The following IL10RA variants were observed in gnomAD, a reference collection of about 807,000 sequenced individuals.
IL10RA encodes interleukin-10 receptor subunit alpha.
In IL10RA, 18 loss-of-function variants were observed where a neutral mutation model predicts 29.6. The ratio of observed to expected loss-of-function variants is 0.61; its 90% CI spans 0.42 to 0.90. The LOEUF (loss-of-function observed/expected upper bound fraction) is 0.90, where lower values mean the gene tolerates loss of function less well. Ranked by LOEUF, IL10RA falls within the 40% of genes least tolerant of loss-of-function variation. IL10RA has a pLI of 0.00. For synonymous variants in IL10RA, 292 were observed against 294.1 expected (o/e 0.99, Z 0.07); for missense variants, 634 against 716.6 (o/e 0.88, Z 1.32).
chr11:117,995,345 G>A (rs2058048916), intron 5 of IL10RA: 1 of 560,786 alleles, frequency 1.8e-6, no homozygotes, highest in African/African-American at 1.9e-5. Context: ...TGGGAGTCAT[G>A]TGCAGAGAGC....
In IL10RA at chr11:118,000,858, G is replaced by A. The variant is rs747870091; in HGVS notation, c.*1217G>A. The A allele has an allele frequency of 2.2e-6, 1 of 454,266 alleles. No homozygotes were observed. The highest frequency in any genetic ancestry group is 1.6e-5 in the South Asian group (1 of 64,478). The allele number at this position is 454,266 out of a possible 1,614,324, so 28.1% of individuals were successfully genotyped here. A position where few individuals can be genotyped will look rare whatever the true frequency, so the allele number is the denominator to read the frequency against. ...ATCCAATGGGAGTCCATGGTGTCAT[G>A]CCAAGACAGTATCAGACACAGCCCC... On this transcript the variant is annotated 3_prime_UTR_variant, in exon 7 of 7. Transcript: ENST00000227752.
chr11:117,988,909 C>A (rs568790484), intron 2 of IL10RA, among the ~76,000 whole-genome samples: 1 of 152,258 alleles, frequency 6.6e-6, no homozygotes, highest in South Asian at 2.1e-4. Context: ...TACAGGGGTC[C>A]ACCACCATGC....
At chr11:117,994,762 C>T (rs1338171391) in intron 5 of IL10RA, among the ~76,000 whole-genome samples, 3 of 152,160 alleles carry the variant, frequency 2.0e-5, no homozygotes, top group African/African-American at 7.2e-5. Flanking sequence ...ATGAGATGTC[C>T]AGTGCCCAAT....
Position 117,999,814 on chromosome 11 carries a change from G to A in IL10RA, c.*173G>A. ...GGGCTGGTCAGGGTGTCTGGGGCAG[G>A]AGGAGGCCAACTCACTGAACTAGTG... On this transcript the variant is annotated 3_prime_UTR_variant, in exon 7 of 7. Coordinates refer to ENST00000227752, the MANE Select transcript of IL10RA (RefSeq NM_001558.4). The A allele has an allele frequency of 1.4e-6, 1 of 709,826 alleles. No individual in the cohort carries two copies. The highest frequency in any genetic ancestry group is 2.0e-5 in the Admixed American group (1 of 50,006). 44.0% of individuals were successfully genotyped at this position (709,826 alleles called of 1,614,324 possible).
At chr11:117,990,922 C>T (rs1412361758) in intron 3 of IL10RA, among the ~76,000 whole-genome samples, 1 of 152,074 alleles carries the variant, frequency 6.6e-6, no homozygotes, top group Non-Finnish European at 1.5e-5. Context: ...TTGGGCTGGG[C>T]TCGGTGGCTC....
chr11:117,989,460 G>C lies in IL10RA; in HGVS notation c.207G>C (p.Trp69Cys). The change falls in exon 3 of 7, where the codon TGG becomes TGC. Residue 69 changes from tryptophan (W) to cysteine (C), a missense_variant. Transcript: ENST00000227752. This position sits in a 1 kb window ranked among gnomAD's most constrained non-coding sequence, Gnocchi z 4.5. ...TCCTCAGGTATGGAATAGAGTCCTG[G>C]AACTCCATCTCCAACTGTAGCCAGA... Reference protein sequence around the residue: ...VALLRYGIESWNSISNCSQTL... With the variant: ...VALLRYGIESCNSISNCSQTL... 6.2e-7 allele frequency: 1 copy of C among 1,614,118 alleles called. No homozygotes were observed. The highest frequency in any genetic ancestry group is 8.5e-7 in the Non-Finnish European group (1 of 1,179,988).
chr11:117,990,947 A>C (rs1282501961), intron 3 of IL10RA, among the ~76,000 whole-genome samples: 1 of 152,204 alleles, frequency 6.6e-6, no homozygotes, highest in East Asian at 1.9e-4. Flanking sequence ...CTGTAATCCC[A>C]GCACTTTGGG....
intron 5 of IL10RA, among the ~76,000 whole-genome samples, chr11:117,994,382 C>A (rs566412600): frequency 2.0e-5 from 3 of 152,288 alleles, no homozygotes; most frequent in Admixed American, 1.3e-4. Context: ...GGTGGCAGAA[C>A]CAGGTCTCTT....
chr11:117,995,658 G>T lies in IL10RA; in HGVS notation c.758G>T (p.Cys253Phe), dbSNP rs768904488. 2 of 1,614,088 alleles carry T rather than the reference G, an allele frequency of 1.2e-6. No individual in the cohort carries two copies. The highest frequency in any genetic ancestry group is 3.3e-5 in the Admixed American group (2 of 60,018). ...CTGCTCTCCGGAGCCCTCGCCTACT[G>T]CCTGGCCCTCCAGCTGTATGTGCGG... ...VLLLSGALAY[C>F]LALQLYVRRR... Residue 253 changes from cysteine to phenylalanine, a missense_variant, in exon 6 of 7, where the codon TGC becomes TTC. Transcript: ENST00000227752.
chr11:117,988,550 T>C (rs1210388593), intron 2 of IL10RA, 48 bp downstream of exon 2: 6 of 1,606,992 alleles, frequency 3.7e-6, no homozygotes, highest in Non-Finnish European at 4.3e-6. Context: ...AATCCCCGCC[T>C]TGTCCTCTAC....
chr11:117,991,025 C>T (rs2058019018), intron 3 of IL10RA, among the ~76,000 whole-genome samples: 1 of 151,994 alleles, frequency 6.6e-6, no homozygotes, highest in Non-Finnish European at 1.5e-5. Context: ...GGTGAAACCC[C>T]ATCTCTTCTA....
chr11:118,000,296 G>T lies in IL10RA; in HGVS notation c.*655G>T. The T allele has an allele frequency of 4.4e-6, 2 of 454,202 alleles. No individual in the cohort carries two copies. The highest frequency in any genetic ancestry group is 3.1e-5 in the South Asian group (2 of 64,472). 28.1% of individuals were successfully genotyped at this position (454,202 alleles called of 1,614,324 possible). A position where few individuals can be genotyped will look rare whatever the true frequency, so the allele number is the denominator to read the frequency against. On this transcript the variant is annotated 3_prime_UTR_variant, in exon 7 of 7. Coordinates refer to ENST00000227752, the MANE Select transcript of IL10RA (RefSeq NM_001558.4). ...AAAGGGAGCCGAGACCCTGGATGGG[G>T]CTTCCAGCTCAGAACCCATCCCTCT...
At chr11:117,997,325 A>G (rs1169123874) in intron 6 of IL10RA, among the ~76,000 whole-genome samples, 1 of 152,390 alleles carries the variant, frequency 6.6e-6, no homozygotes, top group Admixed American at 6.5e-5. Context: ...CACTGTAGAC[A>G]CATTACAACA....
intron 5 of IL10RA, chr11:117,995,199 G>T (rs953256908): frequency 5.7e-6 from 2 of 348,576 alleles, no homozygotes; most frequent in Non-Finnish European, 1.1e-5. Flanking sequence ...CAGTGGCTCT[G>T]ACAGAGTAAT....
At position 117,993,375 on chromosome 11, in the gene IL10RA, G is replaced by A. The variant is rs1412099634; in HGVS notation, c.502G>A (p.Glu168Lys). ...ESIFSHFREY[E>K]IAIRKVPGNF... ...CATCTTCAGTCACTTCCGAGAGTAT[G>A]AGATTGCCATTCGCAAGGTGCCGGG... is the stretch of plus-strand genomic sequence containing the variant. Residue 168 changes from glutamate (E) to lysine (K), a missense_variant, in exon 4 of 7, where the codon GAG (glutamate) becomes AAG (lysine). Coordinates refer to ENST00000227752, the MANE Select transcript of IL10RA (RefSeq NM_001558.4). 3 of 1,614,248 alleles carry A rather than the reference G, an allele frequency of 1.9e-6. No homozygotes were observed. The highest frequency in any genetic ancestry group is 2.2e-5 in the East Asian group (1 of 44,894).
intron 1 of IL10RA, chr11:117,986,861 C>CAAGAAGTCCCATCAT: frequency 7.1e-7 from 1 of 1,416,020 alleles, no homozygotes; most frequent in South Asian, 1.2e-5. Flanking sequence ...AATGATGGGA[C>CAAGAAGTCCCATCAT]TTCTTGTCCC....
rs144402762 is a variant in IL10RA, at chr11:117,998,144, C to T, written c.811-571C>T. On this transcript the variant is annotated intron_variant, in intron 6 of 6. Transcript: ENST00000227752. ...CACCATGTTCGCGTGAGTCACTACT[C>T]GGGGAATAGAAAACTTAATTTGGTG... is the stretch of plus-strand genomic sequence containing the variant. Among the ~76,000 whole-genome samples, 329 of 152,150 alleles carry T rather than the reference C, an allele frequency of 2.2e-3. 3 individuals are homozygous for T. Among genetic ancestry groups the T allele is most frequent in the African/African-American group, 7.5e-3 (310 of 41,498 alleles).
chr11:117,988,463 A>G lies in IL10RA; in HGVS notation c.149A>G (p.Asn50Ser). 1 of 1,614,098 alleles carries G rather than the reference A, an allele frequency of 6.2e-7. No individual in the cohort carries two copies. Among genetic ancestry groups the G allele is most frequent in the Non-Finnish European group, 8.5e-7 (1 of 1,179,980 alleles). Residue 50 changes from asparagine to serine, a missense_variant, in exon 2 of 7, where the codon AAT becomes AGT. Coordinates refer to ENST00000227752, the MANE Select transcript of IL10RA (RefSeq NM_001558.4). Reference sequence around the variant, plus strand: ...ATCCTCCACTGGACACCCATCCCAAATCAGTCTGAAAGTACCTGCTATGAA... The same window carrying G: ...ATCCTCCACTGGACACCCATCCCAAGTCAGTCTGAAAGTACCTGCTATGAA... ...HHILHWTPIP[N>S]QSESTCYEVA...
In IL10RA at chr11:117,989,455, T is replaced by C; in HGVS notation, c.202T>C (p.Ser68Pro). 6.2e-7 allele frequency: 1 copy of C among 1,613,976 alleles called. No homozygotes were observed. The highest frequency in any genetic ancestry group is 8.5e-7 in the Non-Finnish European group (1 of 1,179,932). The change falls in exon 3 of 7, where the codon TCC (serine) becomes CCC (proline). Residue 68 changes from serine to proline, a missense_variant. Transcript: ENST00000227752. This position sits in a 1 kb window ranked among gnomAD's most constrained non-coding sequence, Gnocchi z 4.5. ...EVALLRYGIE[S>P]WNSISNCSQT... ...GTATCTCCTCAGGTATGGAATAGAG[T>C]CCTGGAACTCCATCTCCAACTGTAG...
Sources: allele counts gnomAD v4.1 joint callset (sites outside exome capture counted in the v4.1 genomes callset), GRCh38; gene constraint gnomAD v4.1.1; non-coding constraint Gnocchi (gnomAD v3.1); transcripts MANE v1.5; gene names NCBI Gene and HGNC (gene_info 2026-07-23, HGNC 2026-07-21).